The following RBM41 variants were observed in gnomAD, a reference collection of about 807,000 sequenced individuals.
RBM41 encodes RNA-binding protein 41.
In RBM41, 14 loss-of-function variants were observed where a neutral mutation model predicts 30.8. The observed-to-expected ratio is 0.45, with a 90% CI of 0.30 to 0.71. The LOEUF (loss-of-function observed/expected upper bound fraction) is 0.71, where lower values mean the gene tolerates loss of function less well. Ranked by LOEUF, RBM41 falls within the 30% of genes least tolerant of loss-of-function variation. The probability of loss-of-function intolerance (pLI) is 0.08; values close to 1 mark genes in which losing one functional copy is unlikely to be tolerated. For missense variants in RBM41, 276 were observed against 326.3 expected, an observed-to-expected ratio of 0.85 and a Z score of 1.19; for synonymous variants, 120 against 110.1, an observed-to-expected ratio of 1.09 and a Z score of -0.56.
At chrX:107,069,793 C>T (rs2147874147) in intron 6 of RBM41, 1 of 115,058 alleles carries the variant, frequency 8.7e-6, no homozygotes, top group Admixed American at 9.4e-5. Context: ...ATTAGTTTCA[C>T]ATAAAAATGG....
intron 6 of RBM41, among the ~76,000 whole-genome samples, chrX:107,082,587 T>G (rs1921628573): frequency 9.0e-6 from 1 of 111,457 alleles, no homozygotes; most frequent in African/African-American, 3.2e-5. Flanking sequence ...GTGTTCCCTC[T>G]GCTTCCGTTT....
chrX:107,099,481 G>A (rs898481419), intron 5 of RBM41, among the ~76,000 whole-genome samples: 114 of 111,767 alleles, frequency 1.0e-3, no homozygotes, highest in African/African-American at 3.5e-3. Context: ...ACAAACAGAC[G>A]GAAAGACATT....
intron 5 of RBM41, among the ~76,000 whole-genome samples, chrX:107,092,548 C>T (rs1255710793): frequency 9.0e-6 from 1 of 110,883 alleles, no homozygotes; most frequent in Non-Finnish European, 1.9e-5. Flanking sequence ...AGTTCAAGAC[C>T]AGCCTGGGCA....
chrX:107,094,522 G>A (rs189566082), intron 5 of RBM41, among the ~76,000 whole-genome samples: 8 of 112,206 alleles, frequency 7.1e-5, no homozygotes, highest in African/African-American at 9.7e-5. Context: ...GACACTAGAA[G>A]GGAGCATCTT....
At chrX:107,078,470 T>C (rs754194007) in intron 6 of RBM41, among the ~76,000 whole-genome samples, 2 of 112,164 alleles carry the variant, frequency 1.8e-5, no homozygotes, top group South Asian at 7.4e-4. Context: ...ATTCTATACA[T>C]TGGATTATCC....
intron 5 of RBM41, among the ~76,000 whole-genome samples, chrX:107,103,444 C>T (rs939678204): frequency 1.1e-4 from 12 of 110,465 alleles, no homozygotes; most frequent in African/African-American, 3.3e-4. Context: ...TGGCAACTTA[C>T]CAGAGCTAGA....
At chrX:107,074,723 T>C (rs772578981) in intron 6 of RBM41, among the ~76,000 whole-genome samples, 4 of 111,607 alleles carry the variant, frequency 3.6e-5, no homozygotes, top group Admixed American at 9.5e-5. Context: ...GGTGAAAGAC[T>C]TGTACACTGA....
chrX:107,082,405 G>T lies in RBM41; in HGVS notation c.999+6031C>A, dbSNP rs775971359. 5.4e-5 allele frequency among the ~76,000 whole-genome samples: 6 copies of T among 111,222 alleles called. No homozygotes were observed. In the East Asian group the frequency reaches 1.7e-3, roughly 31 times the overall value. The stretch of plus-strand genomic sequence containing the variant: ...ATTATTTTTATACATTATTGAATTT[G>T]ATTACCTAACATTTTGATTTCTCAA... On this transcript the variant is annotated intron_variant, in intron 6 of 7. Coordinates refer to ENST00000685964, the MANE Select transcript of RBM41 (RefSeq NM_001324242.2).
At chrX:107,106,835 C>G (rs1924046849) in intron 5 of RBM41, among the ~76,000 whole-genome samples, 1 of 93,152 alleles carries the variant, frequency 1.1e-5, no homozygotes, top group Admixed American at 1.4e-4. Context: ...TACATGGACA[C>G]AGGAAGGGGA....
chrX:107,105,507 G>C (rs1035828838), intron 5 of RBM41, among the ~76,000 whole-genome samples: 1 of 108,786 alleles, frequency 9.2e-6, no homozygotes, highest in Admixed American at 9.8e-5. Context: ...TCACAGAATT[G>C]GAAAAAACTA....
rs758136928 is a variant in RBM41 at position 107,116,884 on chromosome X, CAAT to C, written c.9-121_9-119del. 14 of 677,841 alleles carry C rather than the reference CAAT, an allele frequency of 2.1e-5. No homozygotes were observed. In the South Asian group the frequency reaches 3.6e-4, roughly 17 times the overall value. 55.9% of individuals were successfully genotyped at this position (677,841 alleles called of 1,213,427 possible). A position where few individuals can be genotyped will look rare whatever the true frequency, so the allele number is the denominator to read the frequency against. On this transcript the variant is annotated intron_variant, in intron 1 of 7. Coordinates refer to ENST00000685964, the MANE Select transcript of RBM41 (RefSeq NM_001324242.2). ...CATTTATTCAAAGACACTTCTCCAA[CAAT>C]TCATTGCCCTTTACCATTTAGTCCA...
the RBM41 span, among the ~76,000 whole-genome samples, chrX:107,052,940 A>G: frequency 8.9e-6 from 1 of 112,268 alleles, no homozygotes; most frequent in Non-Finnish European, 1.9e-5. Flanking sequence ...TCTCCTAAAA[A>G]TAAACAGGTT....
chrX:107,100,693 C>T (rs1430025719), intron 5 of RBM41, among the ~76,000 whole-genome samples: 1 of 110,829 alleles, frequency 9.0e-6, no homozygotes, highest in East Asian at 2.8e-4. Flanking sequence ...AATTAGTTAA[C>T]AGCTATTAAA....
intron 6 of RBM41, among the ~76,000 whole-genome samples, chrX:107,077,234 C>T (rs999123893): frequency 1.8e-5 from 2 of 110,904 alleles, no homozygotes; most frequent in Non-Finnish European, 3.8e-5. Context: ...CAGGTTCAAG[C>T]GATTCTCCTG....
Position 107,088,573 on chromosome X carries a change from A to G in RBM41, c.862T>C (p.Cys288Arg), listed in dbSNP as rs1922241750. Residue 288 changes from cysteine (C) to arginine (R), a missense_variant, in exon 6 of 8, where the codon TGT becomes CGT. Cys to Arg is a radical substitution (Grantham distance 180). Coordinates refer to ENST00000685964, the MANE Select transcript of RBM41 (RefSeq NM_001324242.2). ...ANVIDFSPEQ[C>R]WTGPKKLTQP... ...GTCAGCTTCTTAGGCCCAGTCCAACACTGCTCAGGTGAAAAATCAATAACA... is the reference window on the plus strand; with the variant it reads ...GTCAGCTTCTTAGGCCCAGTCCAACGCTGCTCAGGTGAAAAATCAATAACA... The G allele has an allele frequency of 8.3e-7, 1 of 1,211,380 alleles. No individual in the cohort carries two copies. Among genetic ancestry groups the G allele is most frequent in the South Asian group, 1.8e-5 (1 of 56,921 alleles).
At chrX:107,069,449 G>A in intron 6 of RBM41, 47 bp from the exon 7 acceptor site, 2 of 1,131,058 alleles carry the variant, frequency 1.8e-6, no homozygotes, top group Non-Finnish European at 1.2e-6. Context: ...AAGGAGGTAA[G>A]GCACTCTTTG....
chrX:107,112,296 T>C (rs371743110), intron 5 of RBM41, among the ~76,000 whole-genome samples: 2 of 111,757 alleles, frequency 1.8e-5, no homozygotes, highest in African/African-American at 6.5e-5. Flanking sequence ...TTCAACATCA[T>C]TAGCCATTAA....
intron 5 of RBM41, among the ~76,000 whole-genome samples, chrX:107,091,169 G>C (rs1922509479): frequency 9.0e-6 from 1 of 111,653 alleles, no homozygotes; most frequent in Non-Finnish European, 1.9e-5. Flanking sequence ...AAGATAACAA[G>C]ATTTTTACTT....
rs761362945 is a variant in RBM41, at chrX:107,116,680, T to C, written c.95A>G (p.His32Arg). 1.6e-5 allele frequency: 19 copies of C among 1,209,108 alleles called. No homozygotes were observed. In the East Asian group the frequency reaches 5.6e-4, roughly 36 times the overall value. ...AATGGAGACAGAAGTATCAAGTTGATGCTGAAGGAGGCTTTTCAGCTGCCT... is the reference window on the plus strand; with the variant it reads ...AATGGAGACAGAAGTATCAAGTTGACGCTGAAGGAGGCTTTTCAGCTGCCT... Reference protein sequence around the residue: ...GERQLKSLLQHQLDTSVSIEE... With the variant: ...GERQLKSLLQRQLDTSVSIEE... Residue 32 changes from histidine to arginine, a missense_variant, in exon 2 of 8, where the codon CAT becomes CGT. By Grantham distance (29) the His-to-Arg change is conservative. Transcript: ENST00000685964.
Sources: gnomAD v4.1 joint callset for allele counts (sites outside exome capture counted in the v4.1 genomes callset) on GRCh38, gnomAD v4.1.1 for gene constraint, MANE v1.5 for transcripts, NCBI Gene and HGNC (gene_info 2026-07-23, HGNC 2026-07-21) for gene names.